Variants in VRK2 observed in about 807,000 individuals in gnomAD.
VRK2 encodes the protein VRK serine/threonine kinase 2, also known as serine/threonine-protein kinase VRK2.
A neutral mutation model predicts 57.6 loss-of-function variants in VRK2; 60 were observed. The ratio of observed to expected loss-of-function variants is 1.04; its 90% CI spans 0.85 to 1.29. The LOEUF (loss-of-function observed/expected upper bound fraction) is 1.29. VRK2 is among the 50% of genes most tolerant of loss of function. VRK2 has a pLI of 0.00. For synonymous variants in VRK2, 231 were observed against 199.2 expected (o/e 1.16, Z -1.35); for missense variants, 705 against 588.1 (o/e 1.20, Z -2.06).
intron 9 of VRK2, among the ~76,000 whole-genome samples, chr2:58,134,581 G>T (rs998516626): frequency 7.1e-6 from 1 of 141,214 alleles, no homozygotes; most frequent in Non-Finnish European, 1.5e-5. Context: ...ACTGCAGTCC[G>T]CAGTCCGGCC....
At chr2:58,029,778 T>A (rs1424677468) in intron 2 of VRK2, among the ~76,000 whole-genome samples, 1 of 152,132 alleles carries the variant, frequency 6.6e-6, no homozygotes, top group Non-Finnish European at 1.5e-5. Context: ...CTTTGACTCA[T>A]CCTACATTAC....
chr2:58,073,001 C>T (rs1669573900), intron 2 of VRK2, among the ~76,000 whole-genome samples: 1 of 151,932 alleles, frequency 6.6e-6, no homozygotes, highest in Non-Finnish European at 1.5e-5. Context: ...TGCTGCATCC[C>T]TACATTTTTA....
chr2:58,042,301 T>C (rs1200406761), upstream of VRK2, among the ~76,000 whole-genome samples: 1 of 152,290 alleles, frequency 6.6e-6, no homozygotes, highest in East Asian at 1.9e-4. Context: ...GGTCTGATTG[T>C]TTATCTAATG....
At chr2:57,989,197 C>T (rs1177745895) in intron 1 of VRK2, among the ~76,000 whole-genome samples, 1 of 152,160 alleles carries the variant, frequency 6.6e-6, no homozygotes, top group African/African-American at 2.4e-5. Flanking sequence ...TGTCTAATTT[C>T]AGTCTTTGTT....
At chr2:58,090,501 G>T (rs562415901) in intron 7 of VRK2, among the ~76,000 whole-genome samples, 5 of 151,916 alleles carry the variant, frequency 3.3e-5, no homozygotes, top group Admixed American at 3.3e-4. Flanking sequence ...GTAGCCATTA[G>T]CAGTATGTGG....
rs1672574255 is a variant in VRK2 at position 57,985,718 on chromosome 2, G to A, written c.-438-39947G>A. On this transcript the variant is annotated intron_variant, in intron 1 of 15. Coordinates refer to the VRK2 transcript ENST00000417641. ...GGTCATAGCTTCAGTAGGCAAGAAG[G>A]CAACAAAAAGAAATAAAAGGCATCC... 2.6e-5 allele frequency among the ~76,000 whole-genome samples: 4 copies of A among 151,842 alleles called. 1 individual carries two copies. The South Asian group carries it at 8.3e-4, about 32-fold the overall frequency.
intron 7 of VRK2, among the ~76,000 whole-genome samples, chr2:58,098,293 T>C (rs1352814873): frequency 6.6e-6 from 1 of 152,112 alleles, no homozygotes; most frequent in East Asian, 1.9e-4. Context: ...GGTTAATTTA[T>C]TATTGCAGAA....
intron 7 of VRK2, among the ~76,000 whole-genome samples, chr2:58,113,133 AC>A (rs1675820833): frequency 6.6e-6 from 1 of 151,790 alleles, no homozygotes; most frequent in African/African-American, 2.4e-5. Flanking sequence ...ACATGGTGAA[AC>A]CCCGTCTCTA....
intron 1 of VRK2, among the ~76,000 whole-genome samples, chr2:58,007,708 A>T (rs1673291262): frequency 6.6e-6 from 1 of 152,164 alleles, no homozygotes; most frequent in Non-Finnish European, 1.5e-5. Flanking sequence ...GTCAAAAGTT[A>T]TACACAGATT....
At chr2:57,916,589 T>C (rs755400083) in intron 1 of VRK2, among the ~76,000 whole-genome samples, 14 of 152,132 alleles carry the variant, frequency 9.2e-5, no homozygotes, top group Admixed American at 3.3e-4. Flanking sequence ...TCATGTATGA[T>C]ATTGGTTTTC....
At chr2:57,927,007 T>TGG (rs1670562239) in intron 1 of VRK2, among the ~76,000 whole-genome samples, 1 of 150,822 alleles carries the variant, frequency 6.6e-6, no homozygotes, top group African/African-American at 2.4e-5. Context: ...CTTGTGTGTG[T>TGG]GTGTGTGTGT....
chr2:58,143,122 CAAAAT>C (rs1304348546), intron 11 of VRK2, among the ~76,000 whole-genome samples: 5 of 151,812 alleles, frequency 3.3e-5, no homozygotes, highest in Non-Finnish European at 7.4e-5. Context: ...CTTTAAGTCT[CAAAAT>C]AATTCTATGA....
chr2:57,962,251 A>G (rs1572909745), intron 1 of VRK2, among the ~76,000 whole-genome samples: 1 of 152,102 alleles, frequency 6.6e-6, no homozygotes, highest in East Asian at 1.9e-4. Context: ...AATGGTTAAT[A>G]TTTTCCTTTT....
intron 2 of VRK2, among the ~76,000 whole-genome samples, chr2:58,058,108 A>AAT (rs1676800983): frequency 6.6e-6 from 1 of 152,138 alleles, no homozygotes; most frequent in African/African-American, 2.4e-5. Context: ...ACTAGCTCAG[A>AAT]ATAGAACACT....
intron 10 of VRK2, among the ~76,000 whole-genome samples, chr2:58,137,173 C>CATATATATCATATATATATCAT (rs1680413489): frequency 4.3e-3 from 3 of 704 alleles, no homozygotes; most frequent in African/African-American, 8.3e-3. Flanking sequence ...TATCATATAT[C>CATATATATCATATATATATCAT]ATATATATCA....
intron 1 of VRK2, among the ~76,000 whole-genome samples, chr2:57,913,021 C>T (rs1670037525): frequency 6.6e-6 from 1 of 152,174 alleles, no homozygotes; most frequent in Admixed American, 6.5e-5. Context: ...CCTCCTCAGA[C>T]ACTGAATCTG....
Position 57,933,798 on chromosome 2 carries a change from T to G in VRK2, c.-439+25959T>G, listed in dbSNP as rs189202166. Among the ~76,000 whole-genome samples, 3 of 152,292 alleles carry G rather than the reference T, an allele frequency of 2.0e-5. No individual in the cohort carries two copies. The East Asian group carries it at 5.8e-4, about 29-fold the overall frequency. On this transcript the variant is annotated intron_variant, in intron 1 of 15. Transcript: ENST00000417641. ...GTTTTCTGGCTGCTGTTTTGAAGAT[T>G]CTTTGTTTCTTTCTTTTCCTCTCGC...
At position 58,038,452 on chromosome 2, in the gene VRK2, C is replaced by T. The variant is rs566475511; in HGVS notation, c.-6+4899C>T. ...CACAGGAAGAACTTTCCGGCCTCCT[C>T]CTTTCTGCCTTACAGTGGTGTATAA... On this transcript the variant is annotated intron_variant, in intron 3 of 15. Coordinates refer to the VRK2 transcript ENST00000417641. Among the ~76,000 whole-genome samples the T allele has an allele frequency of 3.3e-5, 5 of 152,276 alleles. No individual in the cohort carries two copies. The South Asian group carries it at 6.2e-4, about 19-fold the overall frequency.
chr2:58,054,702 A>T (rs1033920467), intron 2 of VRK2, among the ~76,000 whole-genome samples: 1 of 152,162 alleles, frequency 6.6e-6, no homozygotes, highest in Non-Finnish European at 1.5e-5. Flanking sequence ...AGCTACTTGG[A>T]TGATGAAAAT....
Sources: allele counts gnomAD v4.1 joint callset (sites outside exome capture counted in the v4.1 genomes callset), GRCh38; gene constraint gnomAD v4.1.1; transcripts MANE v1.5; gene names NCBI Gene and HGNC (gene_info 2026-07-23, HGNC 2026-07-21).